NGLY1: variants seen among roughly 807,000 people sequenced by gnomAD.
NGLY1 encodes the protein N-glycanase 1, also known as peptide-N(4)-(N-acetyl-beta-glucosaminyl)asparagine amidase.
NGLY1 carries 68 observed loss-of-function variants against 84.6 expected under a neutral mutation model. That is an observed-to-expected ratio of 0.80 (90% CI 0.66 to 0.98). The LOEUF is 0.98. Ranked by LOEUF, NGLY1 falls within the 50% of genes least tolerant of loss-of-function variation. The probability of loss-of-function intolerance (pLI) is 0.00; values close to 1 mark genes in which losing one functional copy is unlikely to be tolerated. For synonymous variants in NGLY1, 280 were observed against 275.2 expected, an observed-to-expected ratio of 1.02 and a Z score of -0.17; for missense variants, 779 against 770.2, an observed-to-expected ratio of 1.01 and a Z score of -0.14.
At chr3:25,780,522 C>G (rs920470390) in intron 1 of NGLY1, among the ~76,000 whole-genome samples, 3 of 152,210 alleles carry the variant, frequency 2.0e-5, no homozygotes, top group Non-Finnish European at 4.4e-5. Context: ...GCTTTCAGAT[C>G]TCTACATGCT....
At chr3:25,749,844 C>T in intron 4 of NGLY1, 1 of 1,032,822 alleles carries the variant, frequency 9.7e-7, no homozygotes, top group South Asian at 1.3e-5. Context: ...ACCCAGCTGG[C>T]CATCAGAGTC....
rs143975923 is a variant in NGLY1 at position 25,744,024 on chromosome 3, G to T, written c.659-4225C>A. The stretch of plus-strand genomic sequence containing the variant: ...GGGTTTATTTCAAAAATATAATTAA[G>T]ACTTCAAATTTCTAAAGTTACCATC... On this transcript the variant is annotated intron_variant, in intron 4 of 11. Coordinates refer to ENST00000280700, the MANE Select transcript of NGLY1 (RefSeq NM_018297.4). 5.3e-5 allele frequency among the ~76,000 whole-genome samples: 8 copies of T among 152,228 alleles called. No individual in the cohort carries two copies. The East Asian group carries it at 1.5e-3, about 29-fold the overall frequency.
At chr3:25,755,328 G>T in intron 3 of NGLY1, 3 of 1,351,660 alleles carry the variant, frequency 2.2e-6, no homozygotes, top group Non-Finnish European at 3.2e-6. Flanking sequence ...ATTAAAAAGG[G>T]ACCTAACCAA....
intron 1 of NGLY1, among the ~76,000 whole-genome samples, chr3:25,788,679 T>A (rs1410575760): frequency 1.3e-5 from 2 of 152,198 alleles, no homozygotes; most frequent in Non-Finnish European, 2.9e-5. Flanking sequence ...ACACTATTAT[T>A]TTAAAGACAG....
In NGLY1 at chr3:25,751,257, C is replaced by T; in HGVS notation, c.499G>A (p.Ala167Thr). ...SDPPSASTVA[A>T]DSAILEVLQS... ...AGAACTTCTAGAATGGCTGAGTCAG[C>T]AGCAACCTAATAGGAAAAAAAAAAA... The change falls in exon 4 of 12, where the codon GCT (alanine) becomes ACT (threonine). Residue 167 changes from alanine to threonine, a missense_variant. Ala to Thr is a moderately conservative substitution (Grantham distance 58). Transcript: ENST00000280700. 1.3e-6 allele frequency: 2 copies of T among 1,548,174 alleles called. No homozygotes were observed. Among genetic ancestry groups the T allele is most frequent in the Admixed American group, 2.0e-5 (1 of 49,890 alleles).
At chr3:25,726,469 T>C (rs1165042694) in intron 10 of NGLY1, among the ~76,000 whole-genome samples, 1 of 152,168 alleles carries the variant, frequency 6.6e-6, no homozygotes, top group Non-Finnish European at 1.5e-5. Context: ...AAGAGGGAAA[T>C]GGATTCAATT....
intron 4 of NGLY1, among the ~76,000 whole-genome samples, chr3:25,745,415 T>C (rs2125499291): frequency 6.6e-6 from 1 of 152,362 alleles, no homozygotes; most frequent in African/African-American, 2.4e-5. Flanking sequence ...AAGGCTTGAC[T>C]TCTTATCGAA....
At chr3:25,724,905 C>T (rs1705176982) in intron 10 of NGLY1, among the ~76,000 whole-genome samples, 1 of 152,138 alleles carries the variant, frequency 6.6e-6, no homozygotes, top group South Asian at 2.1e-4. Flanking sequence ...ATTCATGGTT[C>T]CTGGCTCATA....
At chr3:25,734,770 C>T (rs189655862) in intron 7 of NGLY1, 212 of 927,256 alleles carry the variant, frequency 2.3e-4, no homozygotes, top group African/African-American at 7.8e-4. Context: ...GAAGAGAATA[C>T]GTCACTTATT....
At chr3:25,776,347 T>C (rs932768217) in intron 2 of NGLY1, among the ~76,000 whole-genome samples, 1 of 152,236 alleles carries the variant, frequency 6.6e-6, no homozygotes, top group African/African-American at 2.4e-5. Flanking sequence ...ATCGAATATG[T>C]GACACTTCGA....
chr3:25,765,911 G>T (rs1282322933), intron 2 of NGLY1, among the ~76,000 whole-genome samples: 1 of 150,178 alleles, frequency 6.7e-6, no homozygotes. Context: ...TTTATTTTTT[G>T]GAGAGACAGG....
intron 10 of NGLY1, among the ~76,000 whole-genome samples, chr3:25,726,654 A>G (rs565942125): frequency 2.0e-5 from 3 of 152,208 alleles, no homozygotes; most frequent in Admixed American, 2.0e-4. Context: ...GGCAAGGACC[A>G]GATTTGGAAA....
Position 25,739,577 on chromosome 3 carries a change from C to G in NGLY1, c.881G>C (p.Arg294Thr). ...TGATTTTACCATCCAGGGCACCCAC[C>G]TTGGGAATCGATTGCTGAACTGGCA... ...DACQFSNRFP[R>T]YNNPEKLLET... The change falls in exon 5 of 12, where the codon AGA (arginine) becomes ACA (threonine). Residue 294 changes from arginine to threonine, a missense_variant and splice_region_variant. By Grantham distance (71) the Arg-to-Thr change is moderately conservative. Transcript: ENST00000280700. 2 of 1,613,884 alleles carry G rather than the reference C, an allele frequency of 1.2e-6. No homozygotes were observed. The highest frequency in any genetic ancestry group is 1.7e-6 in the Non-Finnish European group (2 of 1,179,890).
chr3:25,734,098 G>A (rs1052321179), intron 7 of NGLY1, 116 bp from the exon 8 acceptor site: 8 of 1,402,320 alleles, frequency 5.7e-6, no homozygotes, highest in African/African-American at 4.3e-5. Context: ...ACGAAGTCTC[G>A]CTCTGTTGTC....
rs774265548 is a variant in NGLY1 at position 25,764,295 on chromosome 3, A to G, written c.263T>C (p.Ile88Thr). The change falls in exon 3 of 12, where the codon ATC becomes ACC. Residue 88 changes from isoleucine to threonine, a missense_variant. Ile to Thr is a moderately conservative substitution (Grantham distance 89). Transcript: ENST00000280700. ...MGFEEGETHL[I>T]FPKKASVEQL... Reference sequence around the variant, plus strand: ...CTCCACTGAAGCTTTTTTAGGAAAGATGAGATGTGTTTCTCCCTGGAATTT... The same window carrying G: ...CTCCACTGAAGCTTTTTTAGGAAAGGTGAGATGTGTTTCTCCCTGGAATTT... 2 of 1,613,602 alleles carry G rather than the reference A, an allele frequency of 1.2e-6. No homozygotes were observed. The highest frequency in any genetic ancestry group is 1.7e-4 in the Middle Eastern group (1 of 6,058).
At position 25,754,664 on chromosome 3, in the gene NGLY1, G is replaced by GA. The variant is rs34986608; in HGVS notation, c.493-3402dup. ...ATTAGGGTAGTTTTACAACTGTTAGGAAAAAAAAAAAAGCAAATGGATATG... is the reference window on the plus strand; with the variant it reads ...ATTAGGGTAGTTTTACAACTGTTAGGAAAAAAAAAAAAAGCAAATGGATATG... On this transcript the variant is annotated intron_variant, in intron 3 of 11. Coordinates refer to ENST00000280700, the MANE Select transcript of NGLY1 (RefSeq NM_018297.4). Among the ~76,000 whole-genome samples the GA allele has an allele frequency of 4.6e-3, 673 of 145,884 alleles. 4 individuals are homozygous for GA. The highest frequency in any genetic ancestry group is 0.017 in the African/African-American group (639 of 38,440).
At chr3:25,745,678 ACCCTCTTAT>A (rs1706385103) in intron 4 of NGLY1, among the ~76,000 whole-genome samples, 3 of 152,202 alleles carry the variant, frequency 2.0e-5, no homozygotes, top group South Asian at 2.1e-4. Context: ...CCCTCTGTTC[ACCCTCTTAT>A]CCCTCTTATG....
In NGLY1 at chr3:25,736,096, C is replaced by T; in HGVS notation, c.1057G>A (p.Asp353Asn). Reference sequence around the variant, plus strand: ...TTGTCACAGACATCTTCACATGCATCACAGTGCAGCCACCGCTGCTGAGAA... The same window carrying T: ...TTGTCACAGACATCTTCACATGCATTACAGTGCAGCCACCGCTGCTGAGAA... ...SPSQQRWLHC[D>N]ACEDVCDKPL... is the part of the protein sequence containing the mutation. The change falls in exon 7 of 12, where the codon GAT (aspartate) becomes AAT (asparagine). Residue 353 changes from aspartate to asparagine, a missense_variant. Asp to Asn is a conservative substitution (Grantham distance 23). Transcript: ENST00000280700. 1 of 1,613,916 alleles carries T rather than the reference C, an allele frequency of 6.2e-7. No homozygotes were observed. Among genetic ancestry groups the T allele is most frequent in the Non-Finnish European group, 8.5e-7 (1 of 1,179,950 alleles).
intron 3 of NGLY1, among the ~76,000 whole-genome samples, chr3:25,760,721 G>A (rs540693338): frequency 2.6e-5 from 4 of 152,024 alleles, no homozygotes; most frequent in East Asian, 1.9e-4. Flanking sequence ...CTAGCCAGAC[G>A]TGGTGGCACA....
Sources: allele counts gnomAD v4.1 joint callset (sites outside exome capture counted in the v4.1 genomes callset), GRCh38; gene constraint gnomAD v4.1.1; transcripts MANE v1.5; gene names NCBI Gene and HGNC (gene_info 2026-07-23, HGNC 2026-07-21).